Variants in SLCO6A1 observed in about 807,000 individuals in gnomAD.
The protein encoded by SLCO6A1 is cancer/testis antigen 48.
Under a neutral mutation model 72.7 loss-of-function variants are expected in SLCO6A1, and 65 were observed. That is an observed-to-expected ratio of 0.89 (90% CI 0.73 to 1.10). The LOEUF is 1.10. Ranked by LOEUF, SLCO6A1 falls within the 50% of genes least tolerant of loss-of-function variation. SLCO6A1 has a pLI of 0.00. For missense variants in SLCO6A1, 874 were observed against 872.6 expected, an observed-to-expected ratio of 1.00 and a Z score of -0.02; for synonymous variants, 314 against 298.2, an observed-to-expected ratio of 1.05 and a Z score of -0.55.
chr5:102,429,938 C>T (rs1749122517), intron 7 of SLCO6A1, among the ~76,000 whole-genome samples: 1 of 152,172 alleles, frequency 6.6e-6, no homozygotes, highest in African/African-American at 2.4e-5. Flanking sequence ...TATTCATAAG[C>T]ATGGAGTGTT....
At chr5:102,408,017 G>T (rs1747763694) in intron 9 of SLCO6A1, among the ~76,000 whole-genome samples, 2 of 152,036 alleles carry the variant, frequency 1.3e-5, no homozygotes. Context: ...CACTAAAATT[G>T]TGGTACAATA....
At chr5:102,475,902 G>T in intron 3 of SLCO6A1, 109 bp from the exon 4 acceptor site, 1 of 693,014 alleles carries the variant, frequency 1.4e-6, no homozygotes, top group Non-Finnish European at 2.4e-6. Context: ...ATAGCATTCT[G>T]TATTAGTCAG....
At chr5:102,447,594 A>T (rs745688379) in intron 6 of SLCO6A1, among the ~76,000 whole-genome samples, 15 of 152,112 alleles carry the variant, frequency 9.9e-5, no homozygotes, top group Non-Finnish European at 2.1e-4. Flanking sequence ...TTCCTGGTTC[A>T]ATCTTAGAAG....
At chr5:102,468,170 A>G (rs1751403830) in intron 4 of SLCO6A1, among the ~76,000 whole-genome samples, 1 of 151,986 alleles carries the variant, frequency 6.6e-6, no homozygotes, top group South Asian at 2.1e-4. Flanking sequence ...TAGATTTCCA[A>G]TTTTATTCCA....
intron 9 of SLCO6A1, among the ~76,000 whole-genome samples, chr5:102,407,191 G>C (rs1292714225): frequency 6.6e-6 from 1 of 152,142 alleles, no homozygotes; most frequent in Non-Finnish European, 1.5e-5. Context: ...CCATTGCCAT[G>C]GCGACAGTAG....
chr5:102,408,827 G>C (rs967437361), intron 9 of SLCO6A1, among the ~76,000 whole-genome samples: 1 of 151,998 alleles, frequency 6.6e-6, no homozygotes, highest in African/African-American at 2.4e-5. Context: ...ATAACACAAA[G>C]ATAGGAGGTC....
At chr5:102,424,864 T>C (rs989447673) in intron 7 of SLCO6A1, among the ~76,000 whole-genome samples, 4 of 151,926 alleles carry the variant, frequency 2.6e-5, no homozygotes, top group Non-Finnish European at 4.4e-5. Flanking sequence ...GTTGGGAAAA[T>C]CCTCAACAAA....
At chr5:102,372,414 G>A (rs1750672686) in intron 13 of SLCO6A1, among the ~76,000 whole-genome samples, 1 of 151,898 alleles carries the variant, frequency 6.6e-6, no homozygotes, top group African/African-American at 2.4e-5. Context: ...AGAGAACCTT[G>A]TTCCACAACA....
At chr5:102,415,197 T>G (rs1163676567) in intron 8 of SLCO6A1, among the ~76,000 whole-genome samples, 2 of 152,102 alleles carry the variant, frequency 1.3e-5, no homozygotes, top group African/African-American at 4.8e-5. Flanking sequence ...TTTATAGAAT[T>G]TTTTAAATCC....
intron 10 of SLCO6A1, among the ~76,000 whole-genome samples, chr5:102,395,621 C>T (rs938191079): frequency 1.1e-4 from 17 of 152,106 alleles, no homozygotes; most frequent in Non-Finnish European, 2.1e-4. Context: ...GCCACACTGA[C>T]TTCCACAATG....
intron 6 of SLCO6A1, 23 bp from the exon 7 acceptor site, chr5:102,438,784 A>T: frequency 2.7e-6 from 4 of 1,463,446 alleles, no homozygotes; most frequent in Non-Finnish European, 3.6e-6. Context: ...TAAGTTATAT[A>T]TCTATTATTT....
intron 12 of SLCO6A1, among the ~76,000 whole-genome samples, chr5:102,380,492 G>GA (rs1328910987): frequency 6.6e-6 from 1 of 151,944 alleles, no homozygotes; most frequent in Non-Finnish European, 1.5e-5. Flanking sequence ...TCCCCAGGAG[G>GA]AAAAAATTGA....
chr5:102,469,341 G>A (rs1561487640), intron 4 of SLCO6A1, among the ~76,000 whole-genome samples: 1 of 152,020 alleles, frequency 6.6e-6, no homozygotes. Flanking sequence ...ATTTCGTTGA[G>A]CAGTGGTTTG....
intron 7 of SLCO6A1, among the ~76,000 whole-genome samples, chr5:102,430,684 C>T (rs574071250): frequency 1.3e-5 from 2 of 152,060 alleles, no homozygotes; most frequent in South Asian, 4.2e-4. Flanking sequence ...TGATGTACTG[C>T]TGGATTTATT....
At chr5:102,467,531 C>T (rs1041609603) in intron 4 of SLCO6A1, among the ~76,000 whole-genome samples, 2 of 152,086 alleles carry the variant, frequency 1.3e-5, no homozygotes, top group Non-Finnish European at 2.9e-5. Flanking sequence ...ATGAGGGAAA[C>T]TGCCCCCACG....
intron 6 of SLCO6A1, among the ~76,000 whole-genome samples, chr5:102,448,294 C>A (rs1439050537): frequency 6.6e-6 from 1 of 152,010 alleles, no homozygotes; most frequent in South Asian, 2.1e-4. Flanking sequence ...TGGCTGATTG[C>A]GTGGTCAATT....
chr5:102,391,168 C>A, intron 10 of SLCO6A1, 123 bp from the exon 11 acceptor site: 2 of 886,934 alleles, frequency 2.3e-6, no homozygotes, highest in Non-Finnish European at 3.6e-6. Context: ...AATCTTTAGC[C>A]AATTGACAGA....
At position 102,419,954 on chromosome 5, in the gene SLCO6A1, T is replaced by A; in HGVS notation, c.1344A>T (p.Glu448Asp). The A allele has an allele frequency of 6.2e-7, 1 of 1,606,280 alleles. No homozygotes were observed. Among genetic ancestry groups the A allele is most frequent in the South Asian group, 1.1e-5 (1 of 88,834 alleles). Reference sequence around the variant, plus strand: ...ATCTCATAAGGGCTTTACAAGACATTTCTAATGTGGAAACAATGACACCTC... The same window carrying A: ...ATCTCATAAGGGCTTTACAAGACATATCTAATGTGGAAACAATGACACCTC... Reference protein sequence around the residue: ...LLGGVIVSTLEMSCKALMRFI... With the variant: ...LLGGVIVSTLDMSCKALMRFI... The change falls in exon 8 of 14, where the codon GAA becomes GAT. Residue 448 changes from glutamate (E) to aspartate (D), a missense_variant. Transcript: ENST00000506729.
intron 7 of SLCO6A1, among the ~76,000 whole-genome samples, chr5:102,421,828 A>G (rs1189547367): frequency 6.6e-6 from 1 of 152,206 alleles, no homozygotes; most frequent in Non-Finnish European, 1.5e-5. Context: ...CCTGACTGGA[A>G]GACACCTCCC....
Sources: allele counts gnomAD v4.1 joint callset (sites outside exome capture counted in the v4.1 genomes callset), GRCh38; gene constraint gnomAD v4.1.1; transcripts MANE v1.5; gene names NCBI Gene and HGNC (gene_info 2026-07-23, HGNC 2026-07-21).